SELENOF: variants seen among roughly 807,000 people sequenced by gnomAD.
SELENOF encodes selenoprotein F.
A neutral mutation model predicts 20.5 loss-of-function variants in SELENOF; 16 were observed. The ratio of observed to expected loss-of-function variants is 0.78; its 90% CI spans 0.53 to 1.19. The LOEUF is 1.19. Among genes scored for constraint, SELENOF ranks in the 50% most tolerant of loss-of-function variants. SELENOF has a pLI of 0.00. For synonymous variants in SELENOF, 78 were observed against 74.5 expected (o/e 1.05, Z -0.24); for missense variants, 215 against 194.2 (o/e 1.11, Z -0.64).
At chr1:86,869,784 T>C (rs1658710324) in intron 3 of SELENOF, among the ~76,000 whole-genome samples, 1 of 151,830 alleles carries the variant, frequency 6.6e-6, no homozygotes, top group Non-Finnish European at 1.5e-5. Context: ...GGGGTCTCAC[T>C]CGGCTGAGCG....
intron 4 of SELENOF, among the ~76,000 whole-genome samples, chr1:86,866,238 G>GTGTGTGTGTT (rs1276940215): frequency 6.9e-6 from 1 of 144,418 alleles, no homozygotes; most frequent in African/African-American, 2.7e-5. Context: ...CTCTGTGTGT[G>GTGTGTGTGTT]TGTGTGTGTG....
At chr1:86,881,548 G>C (rs1659070566) in intron 2 of SELENOF, among the ~76,000 whole-genome samples, 1 of 151,898 alleles carries the variant, frequency 6.6e-6, no homozygotes, top group Non-Finnish European at 1.5e-5. Context: ...ATTTCTTCTT[G>C]GTTTTTAGAT....
intron 2 of SELENOF, among the ~76,000 whole-genome samples, chr1:86,887,516 G>C (rs189677588): frequency 7.8e-4 from 119 of 152,108 alleles, no homozygotes; most frequent in African/African-American, 2.7e-3. Context: ...GAATACATTG[G>C]AGGAATCTTT....
rs534809764 is a variant in SELENOF, at chr1:86,886,445, T to C, written c.253-5720A>G. 5.1e-4 allele frequency among the ~76,000 whole-genome samples: 77 copies of C among 150,848 alleles called. 1 individual carries two copies. Among genetic ancestry groups the C allele is most frequent in the Middle Eastern group, 3.4e-3 (1 of 292 alleles). Reference sequence around the variant, plus strand: ...AAATGTTACAGTACTTTTTTTTTTTTCCCTTTCCTTATGAGGTACTGCTTG... The same window carrying C: ...AAATGTTACAGTACTTTTTTTTTTTCCCCTTTCCTTATGAGGTACTGCTTG... On this transcript the variant is annotated intron_variant, in intron 2 of 4. Coordinates refer to ENST00000331835, the MANE Select transcript of SELENOF (RefSeq NM_004261.5).
At chr1:86,882,132 T>C (rs1295477472) in intron 2 of SELENOF, among the ~76,000 whole-genome samples, 1 of 150,732 alleles carries the variant, frequency 6.6e-6, no homozygotes, top group Non-Finnish European at 1.5e-5. Context: ...CTCGTGGGGC[T>C]GAGGCAGAAG....
chr1:86,867,424 A>G (rs568407), intron 4 of SELENOF, among the ~76,000 whole-genome samples: 39,215 of 151,724 alleles, frequency 0.26, 6,250 homozygotes, highest in African/African-American at 0.45. Flanking sequence ...CCCAGGAGGC[A>G]GAGGTTGCAG....
At chr1:86,869,724 CTTCTTTCTTTCTTTTCTTTTCTTTCT>C (rs1658706396) in intron 3 of SELENOF, among the ~76,000 whole-genome samples, 1 of 148,958 alleles carries the variant, frequency 6.7e-6, no homozygotes, top group African/African-American at 2.5e-5. Flanking sequence ...TCCTTCCTTC[CTTCTTTCTTTCTTTTCTTTTCTTTCT>C]TTCTTTCTTT....
chr1:86,902,458 T>A (rs1019455816), intron 2 of SELENOF, among the ~76,000 whole-genome samples: 2 of 152,186 alleles, frequency 1.3e-5, no homozygotes, highest in African/African-American at 4.8e-5. Context: ...TAATAACACA[T>A]CATTATGCCT....
At chr1:86,871,446 TCTTA>T (rs1297826368) in intron 3 of SELENOF, among the ~76,000 whole-genome samples, 2 of 152,216 alleles carry the variant, frequency 1.3e-5, no homozygotes, top group East Asian at 3.8e-4. Context: ...AAGAATTTTC[TCTTA>T]CTACTTCAAA....
chr1:86,874,176 A>G (rs924641804), intron 3 of SELENOF, among the ~76,000 whole-genome samples: 2 of 151,800 alleles, frequency 1.3e-5, no homozygotes, highest in Non-Finnish European at 2.9e-5. Context: ...TCACCATGCT[A>G]GTCAGGCTGG....
At chr1:86,870,841 A>C (rs57095893) in intron 3 of SELENOF, among the ~76,000 whole-genome samples, 1 of 151,964 alleles carries the variant, frequency 6.6e-6, no homozygotes, top group Non-Finnish European at 1.5e-5. Flanking sequence ...GGATGGTCTC[A>C]ATCTCCTGAC....
intron 2 of SELENOF, among the ~76,000 whole-genome samples, chr1:86,891,053 C>CTT (rs34603223): frequency 0.023 from 3,182 of 139,836 alleles, 59 homozygotes; most frequent in African/African-American, 0.048. Flanking sequence ...CCTATTTTTT[C>CTT]TTTTTTTTTT....
intron 4 of SELENOF, 125 bp downstream of exon 4, chr1:86,867,928 A>G: frequency 2.4e-6 from 1 of 415,862 alleles, no homozygotes; most frequent in Non-Finnish European, 4.2e-6. Flanking sequence ...GAAATTAAAA[A>G]TTTAAATTGA....
At chr1:86,913,079 T>C (rs978449382) in intron 1 of SELENOF, among the ~76,000 whole-genome samples, 2 of 152,230 alleles carry the variant, frequency 1.3e-5, no homozygotes, top group Admixed American at 1.3e-4. Context: ...TACCTTTTGG[T>C]TAAAGTAGCC....
At chr1:86,903,577 T>C in intron 1 of SELENOF, 129 bp from the exon 2 acceptor site, 2 of 624,930 alleles carry the variant, frequency 3.2e-6, no homozygotes, top group Admixed American at 4.1e-5. Flanking sequence ...CATTTGGAGA[T>C]AAATTCTTTT....
chr1:86,894,408 AT>A (rs1323057732), intron 2 of SELENOF, among the ~76,000 whole-genome samples: 1 of 152,116 alleles, frequency 6.6e-6, no homozygotes, highest in Non-Finnish European at 1.5e-5. Context: ...GTTACTTCTA[AT>A]TTTAAAAATA....
intron 2 of SELENOF, among the ~76,000 whole-genome samples, chr1:86,886,036 C>G (rs1659206679): frequency 6.6e-6 from 1 of 152,238 alleles, no homozygotes; most frequent in African/African-American, 2.4e-5. Flanking sequence ...AGGGACTATT[C>G]AGGGATATTA....
intron 2 of SELENOF, among the ~76,000 whole-genome samples, chr1:86,897,545 A>G (rs1420213232): frequency 6.6e-6 from 1 of 152,132 alleles, no homozygotes; most frequent in Non-Finnish European, 1.5e-5. Flanking sequence ...AGGAATAAAG[A>G]TATAAAATAT....
chr1:86,911,856 T>C (rs1017746399), intron 1 of SELENOF, among the ~76,000 whole-genome samples: 2 of 151,272 alleles, frequency 1.3e-5, no homozygotes, highest in African/African-American at 4.9e-5. Flanking sequence ...CAATCTCGGC[T>C]CAGTGCAACC....
Sources: allele counts gnomAD v4.1 joint callset (sites outside exome capture counted in the v4.1 genomes callset), GRCh38; gene constraint gnomAD v4.1.1; transcripts MANE v1.5; gene names NCBI Gene and HGNC (gene_info 2026-07-23, HGNC 2026-07-21).